The following TRIOBP variants were observed in gnomAD, a reference collection of about 807,000 sequenced individuals.
TRIOBP encodes TRIO and F-actin binding protein, also known as TRIO and F-actin-binding protein.
TRIOBP carries 169 observed loss-of-function variants against 238.8 expected under a neutral mutation model. That is an observed-to-expected ratio of 0.71 (90% CI 0.62 to 0.80). TRIOBP has a LOEUF of 0.80. Among genes scored for constraint, TRIOBP ranks in the 30% least tolerant of loss-of-function variants. TRIOBP has a pLI of 0.00. For synonymous variants in TRIOBP, 1,150 were observed against 1,274.4 expected, an observed-to-expected ratio of 0.90 and a Z score of 2.08; for missense variants, 2,838 against 3,122.6, an observed-to-expected ratio of 0.91 and a Z score of 2.17.
chr22:37,760,873 G>A (rs781516533), intron 17 of TRIOBP, among the ~76,000 whole-genome samples: 6 of 151,908 alleles, frequency 3.9e-5, no homozygotes, highest in Non-Finnish European at 5.9e-5. Context: ...TTGGGAGGCT[G>A]AGGCAGGGGA....
At chr22:37,719,827 A>G (rs897642430) in intron 6 of TRIOBP, among the ~76,000 whole-genome samples, 1 of 151,360 alleles carries the variant, frequency 6.6e-6, no homozygotes, top group African/African-American at 2.4e-5. Context: ...CTCCCTGCAC[A>G]CTTAGCTGCT....
At chr22:37,732,330 G>A (rs950366547) in intron 7 of TRIOBP, among the ~76,000 whole-genome samples, 17 of 152,110 alleles carry the variant, frequency 1.1e-4, no homozygotes, top group Admixed American at 9.2e-4. Flanking sequence ...AACAATGCCT[G>A]AAGCCCAGTG....
intron 7 of TRIOBP, 67 bp downstream of exon 7, chr22:37,726,570 G>A (rs1302782811): frequency 4.3e-6 from 6 of 1,386,830 alleles, no homozygotes; most frequent in East Asian, 2.7e-5. Flanking sequence ...CAGGTGAAGG[G>A]TTAGGGTGCC....
Position 37,774,992 on chromosome 22 carries a change from C to G in TRIOBP, c.*1212C>G, listed in dbSNP as rs1006446973. 3 of 152,224 alleles carry G rather than the reference C, an allele frequency of 2.0e-5. No individual in the cohort carries two copies. The highest frequency in any genetic ancestry group is 4.4e-5 in the Non-Finnish European group (3 of 68,062). 9.4% of individuals were successfully genotyped at this position (152,224 alleles called of 1,614,324 possible). On this transcript the variant is annotated 3_prime_UTR_variant, in exon 24 of 24. Transcript: ENST00000644935. ...TGAGGCTTTTCCCAGAGGTCATGCC[C>G]AGCCCTGGGCAGGGGTGAGGGCAGG... is the stretch of plus-strand genomic sequence containing the variant.
chr22:37,733,001 A>G (rs1569045411), intron 7 of TRIOBP, among the ~76,000 whole-genome samples: 1 of 152,196 alleles, frequency 6.6e-6, no homozygotes, highest in Non-Finnish European at 1.5e-5. Flanking sequence ...ACTGGATGAG[A>G]CAGGAGAGGG....
chr22:37,733,270 T>A lies in TRIOBP; in HGVS notation c.3948-28T>A. On this transcript the variant is annotated intron_variant, in intron 7 of 23. Coordinates refer to ENST00000644935, the MANE Select transcript of TRIOBP (RefSeq NM_001039141.3). ...GGGGTGCTGGGAGTGGGACAGTCCC[T>A]CAGAGGAGTGGCTGCATTTGCTCAT... 6 of 1,518,934 alleles carry A rather than the reference T, an allele frequency of 4.0e-6. No individual in the cohort carries two copies. In the South Asian group the frequency reaches 7.2e-5, roughly 18 times the overall value. The allele number at this position is 1,518,934 out of a possible 1,614,324, so 94.1% of individuals were successfully genotyped here. A position where few individuals can be genotyped will look rare whatever the true frequency, so the allele number is the denominator to read the frequency against.
intron 11 of TRIOBP, among the ~76,000 whole-genome samples, chr22:37,745,434 G>C (rs945276053): frequency 2.0e-5 from 3 of 151,906 alleles, no homozygotes; most frequent in Non-Finnish European, 4.4e-5. Context: ...ACTTCCTAGT[G>C]CATTTAGCAA....
At chr22:37,769,832 G>A (rs935126188) in intron 21 of TRIOBP, among the ~76,000 whole-genome samples, 6 of 151,782 alleles carry the variant, frequency 4.0e-5, no homozygotes, top group Admixed American at 3.3e-4. Context: ...TGGTTCAAGC[G>A]ATTCTCCTGC....
intron 11 of TRIOBP, among the ~76,000 whole-genome samples, chr22:37,742,354 C>T (rs1924979865): frequency 6.6e-6 from 1 of 151,798 alleles, no homozygotes; most frequent in African/African-American, 2.4e-5. Context: ...CCTCTGCCTC[C>T]CAGGTTCAAG....
intron 11 of TRIOBP, chr22:37,750,538 C>T (rs962372160): frequency 8.4e-5 from 36 of 427,822 alleles, no homozygotes; most frequent in Middle Eastern, 3.4e-4. Flanking sequence ...GGGCAGCCTC[C>T]GTCTCAGGTG....
chr22:37,718,429 G>C (rs762109860), intron 6 of TRIOBP, among the ~76,000 whole-genome samples: 2 of 152,136 alleles, frequency 1.3e-5, no homozygotes, highest in Non-Finnish European at 2.9e-5. Flanking sequence ...ATTCTGCATC[G>C]ATTACTGAGA....
intron 3 of TRIOBP, among the ~76,000 whole-genome samples, chr22:37,705,013 C>T (rs1159562572): frequency 6.6e-6 from 1 of 152,026 alleles, no homozygotes; most frequent in Non-Finnish European, 1.5e-5. Context: ...TTCAAGGTTG[C>T]AGTGAGCCAT....
At chr22:37,771,372 C>G (rs1232354943) in intron 21 of TRIOBP, among the ~76,000 whole-genome samples, 1 of 152,128 alleles carries the variant, frequency 6.6e-6, no homozygotes. Flanking sequence ...CATCTCACTC[C>G]CGAGGTGAGA....
At position 37,734,564 on chromosome 22, in the gene TRIOBP, C is replaced by G; in HGVS notation, c.4228C>G (p.Gln1410Glu). 2 of 1,588,206 alleles carry G rather than the reference C, an allele frequency of 1.3e-6. No individual in the cohort carries two copies. The highest frequency in any genetic ancestry group is 2.3e-5 in the South Asian group (2 of 88,208). The change falls in exon 9 of 24, where the codon CAG becomes GAG. Residue 1410 changes from glutamine (Q) to glutamate (E), a missense_variant. Physicochemically the swap from Gln to Glu is conservative, Grantham distance 29. Around this residue, in one of 5 missense-constraint regions of TRIOBP, gnomAD observed 2,096 missense variants for 2,137.4 expected, o/e 0.98. Transcript: ENST00000644935. Reference protein sequence around the residue: ...ARTPERELRTQRPLESGQAGP... With the variant: ...ARTPERELRTERPLESGQAGP... ...GACCCCTGAGAGGGAGCTGCGGACA[C>G]AGAGACCTCTGGAGAGTGGCCAAGC...
intron 11 of TRIOBP, among the ~76,000 whole-genome samples, chr22:37,743,954 G>T (rs1215289109): frequency 2.6e-5 from 4 of 151,050 alleles, no homozygotes; most frequent in African/African-American, 4.9e-5. Flanking sequence ...GGGGGTAGAA[G>T]GACCTGTCTT....
intron 3 of TRIOBP, among the ~76,000 whole-genome samples, chr22:37,705,394 A>C (rs1261322574): frequency 1.3e-5 from 2 of 151,938 alleles, no homozygotes; most frequent in Non-Finnish European, 2.9e-5. Context: ...AAACAAACAA[A>C]GAATATGCAA....
intron 11 of TRIOBP, among the ~76,000 whole-genome samples, chr22:37,747,921 C>G (rs887637791): frequency 6.6e-6 from 1 of 152,212 alleles, no homozygotes; most frequent in African/African-American, 2.4e-5. Flanking sequence ...AAGGGTAAGG[C>G]TGCCGGAAGC....
intron 5 of TRIOBP, 34 bp from the exon 6 acceptor site, chr22:37,715,729 C>T (rs781637104): frequency 2.1e-5 from 33 of 1,608,996 alleles, no homozygotes; most frequent in South Asian, 3.3e-5. Context: ...TTTTTTCTCC[C>T]GCAAACATAC....
In TRIOBP at chr22:37,755,102, C is replaced by A. The variant is rs987051081; in HGVS notation, c.5489C>A (p.Ala1830Glu). 4.3e-6 allele frequency: 7 copies of A among 1,613,460 alleles called. No individual in the cohort carries two copies. In the African/African-American group the frequency reaches 5.3e-5, roughly 12 times the overall value. The change falls in exon 14 of 24, where the codon GCA (alanine) becomes GAA (glutamate). Residue 1830 changes from alanine (A) to glutamate (E), a missense_variant and splice_region_variant. Ala to Glu is a moderately radical substitution (Grantham distance 107). This residue lies in a region of TRIOBP where 2,096 missense variants were observed against 2,137.4 expected (regional missense o/e 0.98). Coordinates refer to ENST00000644935, the MANE Select transcript of TRIOBP (RefSeq NM_001039141.3). ...KYYRDSTAEE[A>E]DELDGEIDLR... ...CCATAGTGGGCCCTCTTGCTCCAGG[C>A]AGATGAGCTGGATGGTGAGATCGAC...
Sources: gnomAD v4.1 joint callset for allele counts (sites outside exome capture counted in the v4.1 genomes callset) on GRCh38, gnomAD v4.1.1 for gene constraint, gnomAD v4.1.1 regional missense constraint, MANE v1.5 for transcripts, NCBI Gene and HGNC (gene_info 2026-07-23, HGNC 2026-07-21) for gene names.